SHMT1: variants seen among roughly 807,000 people sequenced by gnomAD.
SHMT1 encodes the protein serine hydroxymethyltransferase, cytosolic.
A neutral mutation model predicts 49.0 loss-of-function variants in SHMT1; 45 were observed. The observed-to-expected ratio is 0.92, with a 90% CI of 0.72 to 1.18. The LOEUF (loss-of-function observed/expected upper bound fraction) is 1.18. Ranked by LOEUF, SHMT1 falls within the 50% of genes most tolerant of loss-of-function variation. The probability of loss-of-function intolerance (pLI) is 0.00; values close to 1 mark genes in which losing one functional copy is unlikely to be tolerated. For synonymous variants in SHMT1, 232 were observed against 246.6 expected (o/e 0.94, Z 0.55); for missense variants, 541 against 612.4 (o/e 0.88, Z 1.23).
Position 18,328,641 on chromosome 17 carries a change from G to T in SHMT1, c.*109C>A. The T allele has an allele frequency of 8.2e-7, 1 of 1,223,540 alleles. No homozygotes were observed. The highest frequency in any genetic ancestry group is 1.2e-6 in the Non-Finnish European group (1 of 865,032). 75.8% of individuals were successfully genotyped at this position (1,223,540 alleles called of 1,614,324 possible). On this transcript the variant is annotated 3_prime_UTR_variant, in exon 12 of 12. Coordinates refer to ENST00000316694, the MANE Select transcript of SHMT1 (RefSeq NM_004169.5). The stretch of plus-strand genomic sequence containing the variant: ...CAAAAGAAACCCCCTCAAAGGGCCC[G>T]AGTGTCAACAGTTCCCCTTTGGAGC...
rs1358576621 is a variant in SHMT1 at position 18,328,666 on chromosome 17, C to T, written c.*84G>A. 7 of 1,443,416 alleles carry T rather than the reference C, an allele frequency of 4.8e-6. No individual in the cohort carries two copies. In the Admixed American group the frequency reaches 1.4e-4, roughly 28 times the overall value. The allele number at this position is 1,443,416 out of a possible 1,614,324, so 89.4% of individuals were successfully genotyped here. On this transcript the variant is annotated 3_prime_UTR_variant, in exon 12 of 12. Coordinates refer to ENST00000316694, the MANE Select transcript of SHMT1 (RefSeq NM_004169.5). The stretch of plus-strand genomic sequence containing the variant: ...GAGTGTCAACAGTTCCCCTTTGGAG[C>T]AGCTCATCCATCTCTCAGGTGGGGG...
In SHMT1 at chr17:18,353,699, T is replaced by C. The variant is rs371956910; in HGVS notation, c.215A>G (p.Lys72Arg). Reference protein sequence around the residue: ...LEALGSCLNNKYSEGYPGQRY... With the variant: ...LEALGSCLNNRYSEGYPGQRY... ...CTGGCCCGGGTACCCCTCAGAGTAT[T>C]TGTTATTTAAGCAAGAGCCTAGGGC... The change falls in exon 3 of 12, where the codon AAA becomes AGA. Residue 72 changes from lysine to arginine, a missense_variant. Transcript: ENST00000316694. 8 of 1,614,048 alleles carry C rather than the reference T, an allele frequency of 5.0e-6. No homozygotes were observed.
In SHMT1 at chr17:18,338,562, C is replaced by T. The variant is rs191129483; in HGVS notation, c.814+1481G>A. 5.0e-3 allele frequency among the ~76,000 whole-genome samples: 767 copies of T among 152,298 alleles called. 7 individuals carry two copies. The highest frequency in any genetic ancestry group is 0.018 in the African/African-American group (729 of 41,546). ...GCCGCCACCCCGTCTGGGAGGTGTACCCAACAGCTCATTGAGAACAGGCCA... is the reference window on the plus strand; with the variant it reads ...GCCGCCACCCCGTCTGGGAGGTGTATCCAACAGCTCATTGAGAACAGGCCA... On this transcript the variant is annotated intron_variant, in intron 7 of 11. Transcript: ENST00000316694.
In SHMT1 at chr17:18,353,663, T is replaced by C. The variant is rs748730611; in HGVS notation, c.242+9A>G. 7 of 1,614,026 alleles carry C rather than the reference T, an allele frequency of 4.3e-6. No homozygotes were observed. Among genetic ancestry groups the C allele is most frequent in the Non-Finnish European group, 5.9e-6 (7 of 1,179,944 alleles). On this transcript the variant is annotated intron_variant, in intron 3 of 11. Coordinates refer to ENST00000316694, the MANE Select transcript of SHMT1 (RefSeq NM_004169.5). The stretch of plus-strand genomic sequence containing the variant: ...TGTCAGAACCAGGCCTTTGAAGATA[T>C]TCACATACCTCTGGCCCGGGTACCC...
intron 7 of SHMT1, among the ~76,000 whole-genome samples, chr17:18,336,590 C>T (rs879837078): frequency 4.0e-5 from 6 of 151,802 alleles, no homozygotes; most frequent in East Asian, 1.9e-4. Context: ...GCGTTGAACC[C>T]GGGAGGTGGA....
chr17:18,360,463 G>A (rs1226005979), intron 1 of SHMT1: 5 of 151,856 alleles, frequency 3.3e-5, no homozygotes, highest in African/African-American at 1.2e-4. Flanking sequence ...GGGTGGCTGA[G>A]GCAGGATGAT....
At chr17:18,331,054 T>A (rs892145428) in intron 9 of SHMT1, 1 of 357,582 alleles carries the variant, frequency 2.8e-6, no homozygotes, top group African/African-American at 2.1e-5. Flanking sequence ...CTTTGGGGGG[T>A]AAGGGGCATG....
rs376383952 is a variant in SHMT1, at chr17:18,340,192, C to T, written c.665G>A (p.Gly222Glu). Residue 222 changes from glycine to glutamate, a missense_variant, in exon 7 of 12, where the codon GGG (glycine) becomes GAG (glutamate). Coordinates refer to ENST00000316694, the MANE Select transcript of SHMT1 (RefSeq NM_004169.5). This position sits in a 1 kb window ranked among gnomAD's most constrained non-coding sequence, Gnocchi z 4.5. ...AGCCATGTCCGCCATGAGATACGCC[C>T]CGTTCTCATCTGCAATCTTCCGTAG... ...ARLRKIADEN[G>E]AYLMADMAHI... The T allele has an allele frequency of 2.5e-5, 41 of 1,614,132 alleles. No individual in the cohort carries two copies. Among genetic ancestry groups the T allele is most frequent in the Non-Finnish European group, 3.3e-5 (39 of 1,180,060 alleles).
intron 5 of SHMT1, chr17:18,341,158 C>A: frequency 2.9e-6 from 1 of 341,024 alleles, no homozygotes; most frequent in Non-Finnish European, 5.6e-6. Flanking sequence ...AAAATGCCTG[C>A]TAATACTACT....
chr17:18,362,795 C>T (rs1489395436), intron 1 of SHMT1, among the ~76,000 whole-genome samples: 2 of 152,180 alleles, frequency 1.3e-5, no homozygotes, highest in Non-Finnish European at 2.9e-5. Flanking sequence ...CAACATTTGT[C>T]TCCTAGAACA....
Position 18,330,047 on chromosome 17 carries a change from G to A in SHMT1, c.1171+508C>T, listed in dbSNP as rs80189558. Among the ~76,000 whole-genome samples, 737 of 151,924 alleles carry A rather than the reference G, an allele frequency of 4.9e-3. 5 individuals carry two copies. Among genetic ancestry groups the A allele is most frequent in the African/African-American group, 0.017 (702 of 41,430 alleles). ...TTTTTAGTAGAGACAGGGTTTCACC[G>A]CGTTAGCCTTCTCAATCTCCTGACC... On this transcript the variant is annotated intron_variant, in intron 10 of 11. Coordinates refer to ENST00000316694, the MANE Select transcript of SHMT1 (RefSeq NM_004169.5).
At chr17:18,341,010 AGG>A (rs1453794370) in intron 5 of SHMT1, 197 bp from the exon 6 acceptor site, 1 of 624,756 alleles carries the variant, frequency 1.6e-6, no homozygotes, top group African/African-American at 1.8e-5. Flanking sequence ...GGAGTCCCTG[AGG>A]AGTCCCAGGG....
intron 3 of SHMT1, chr17:18,348,686 G>A (rs1567786456): frequency 1.6e-6 from 1 of 614,154 alleles, no homozygotes; most frequent in Non-Finnish European, 3.1e-6. Flanking sequence ...TAAAAAGAGG[G>A]GGTTTTGGCT....
At chr17:18,343,793 G>A (rs1027859741) in intron 5 of SHMT1, among the ~76,000 whole-genome samples, 3 of 150,244 alleles carry the variant, frequency 2.0e-5, no homozygotes, top group Non-Finnish European at 3.0e-5. Flanking sequence ...GGTGGCATGC[G>A]CCTCTAGTCC....
chr17:18,339,565 CTTT>C (rs796296886), intron 7 of SHMT1, among the ~76,000 whole-genome samples: 1 of 145,836 alleles, frequency 6.9e-6, no homozygotes, highest in Non-Finnish European at 1.5e-5. Context: ...TTCTTTCTTT[CTTT>C]TTTTTTTTTT....
At position 18,340,605 on chromosome 17, in the gene SHMT1, A is replaced by G; in HGVS notation, c.601+127T>C. On this transcript the variant is annotated intron_variant, in intron 6 of 11. Transcript: ENST00000316694. This position sits in a 1 kb window ranked among gnomAD's most constrained non-coding sequence, Gnocchi z 4.5. ...AAAGAAACTAATATATGTAGACCCC[A>G]GAAACTCAGTTATCCAGGGCAGAAA... 1.2e-6 allele frequency: 1 copy of G among 826,862 alleles called. No individual in the cohort carries two copies. The allele number at this position is 826,862 out of a possible 1,614,324, so 51.2% of individuals were successfully genotyped here. A position where few individuals can be genotyped will look rare whatever the true frequency, so the allele number is the denominator to read the frequency against.
intron 7 of SHMT1, among the ~76,000 whole-genome samples, chr17:18,336,296 AAAAG>A (rs1983784879): frequency 6.6e-6 from 1 of 151,470 alleles, no homozygotes; most frequent in Non-Finnish European, 1.5e-5. Flanking sequence ...AAAAGAAAAA[AAAAG>A]GACAGAAATT....
At chr17:18,351,692 T>G (rs1053521177) in intron 3 of SHMT1, among the ~76,000 whole-genome samples, 14 of 152,136 alleles carry the variant, frequency 9.2e-5, no homozygotes, top group Admixed American at 3.3e-4. Flanking sequence ...GAGAATCGCT[T>G]GAACCTGGGA....
At chr17:18,360,809 G>A (rs1432787240) in intron 1 of SHMT1, among the ~76,000 whole-genome samples, 1 of 152,088 alleles carries the variant, frequency 6.6e-6, no homozygotes, top group Non-Finnish European at 1.5e-5. Context: ...GAAGTCTGGG[G>A]AGTCACAGGA....
Sources: allele counts gnomAD v4.1 joint callset (sites outside exome capture counted in the v4.1 genomes callset), GRCh38; gene constraint gnomAD v4.1.1; non-coding constraint Gnocchi (gnomAD v3.1); transcripts MANE v1.5; gene names NCBI Gene and HGNC (gene_info 2026-07-23, HGNC 2026-07-21).